The following CACNB2 variants were observed in gnomAD, a reference collection of about 807,000 sequenced individuals.
The protein encoded by CACNB2 is voltage-dependent L-type calcium channel subunit beta-2.
A neutral mutation model predicts 73.3 loss-of-function variants in CACNB2; 42 were observed. That is an observed-to-expected ratio of 0.57 (90% CI 0.45 to 0.74). The LOEUF (loss-of-function observed/expected upper bound fraction) is 0.74, where lower values mean the gene tolerates loss of function less well. Ranked by LOEUF, CACNB2 falls within the 30% of genes least tolerant of loss-of-function variation. The probability of loss-of-function intolerance (pLI) is 0.00; values close to 1 mark genes in which losing one functional copy is unlikely to be tolerated. For synonymous variants in CACNB2, 348 were observed against 310.3 expected, an observed-to-expected ratio of 1.12 and a Z score of -1.28; for missense variants, 940 against 853.0, an observed-to-expected ratio of 1.10 and a Z score of -1.27.
At chr10:18,339,470 G>C (rs147600044) in intron 2 of CACNB2, among the ~76,000 whole-genome samples, 1 of 152,082 alleles carries the variant, frequency 6.6e-6, no homozygotes, top group East Asian at 1.9e-4. Flanking sequence ...GCAGTGAGCC[G>C]AGATCGCGCC....
intron 1 of CACNB2, chr10:18,141,216 G>T: frequency 9.0e-7 from 1 of 1,109,598 alleles, no homozygotes; most frequent in Non-Finnish European, 1.3e-6. Context: ...GCTGAAGATC[G>T]TGAGTCCGGG....
intron 2 of CACNB2, chr10:18,401,159 T>C: frequency 1.3e-6 from 2 of 1,595,464 alleles, no homozygotes; most frequent in Non-Finnish European, 1.7e-6. Context: ...TTTTCTGTTG[T>C]TGCAGTGAGT....
chr10:18,495,545 CTGTGTGTGTGTG>C (rs59858946), intron 3 of CACNB2, among the ~76,000 whole-genome samples: 2,486 of 124,680 alleles, frequency 0.02, 50 homozygotes, highest in African/African-American at 0.053. Context: ...AGTATAAAAA[CTGTGTGTGTGTG>C]TGTGTGTGTG....
chr10:18,497,661 G>A (rs573293436), intron 3 of CACNB2, among the ~76,000 whole-genome samples: 59 of 152,150 alleles, frequency 3.9e-4, no homozygotes, highest in Admixed American at 1.0e-3. Context: ...CTAGGGTCAA[G>A]CAATCCTCTT....
chr10:18,253,686 C>T (rs879771108), intron 2 of CACNB2, among the ~76,000 whole-genome samples: 25 of 152,206 alleles, frequency 1.6e-4, no homozygotes, highest in South Asian at 8.3e-4. Flanking sequence ...GAATATGCCT[C>T]GCCTTTTCCC....
chr10:18,361,051 T>G (rs1020121731), intron 2 of CACNB2, among the ~76,000 whole-genome samples: 1 of 152,180 alleles, frequency 6.6e-6, no homozygotes, highest in African/African-American at 2.4e-5. Context: ...GCATGACCTC[T>G]CATTCTTCTC....
chr10:18,349,741 A>G (rs1428212302), intron 2 of CACNB2, among the ~76,000 whole-genome samples: 1 of 147,220 alleles, frequency 6.8e-6, no homozygotes, highest in Non-Finnish European at 1.5e-5. Context: ...AAAAAAAAAG[A>G]TCCTGGAGAC....
At position 18,318,030 on chromosome 10, in the gene CACNB2, G is replaced by A. The variant is rs555228716; in HGVS notation, c.214-83894G>A. Among the ~76,000 whole-genome samples, 8 of 152,238 alleles carry A rather than the reference G, an allele frequency of 5.3e-5. No individual in the cohort carries two copies. In the South Asian group the frequency reaches 1.5e-3, roughly 28 times the overall value. The stretch of plus-strand genomic sequence containing the variant: ...CTCATGGATAGGAAGATTCAATATC[G>A]TGAAAATGGCCAAACTGCCCAAAGT... On this transcript the variant is annotated intron_variant, in intron 2 of 13. Transcript: ENST00000324631.
At chr10:18,432,175 A>G (rs754263457) in intron 3 of CACNB2, among the ~76,000 whole-genome samples, 3 of 152,254 alleles carry the variant, frequency 2.0e-5, no homozygotes, top group African/African-American at 4.8e-5. Context: ...CAAAATGTCA[A>G]GCTATTCACT....
At chr10:18,391,925 CAAAAAA>C (rs34698093) in intron 2 of CACNB2, among the ~76,000 whole-genome samples, 17 of 84,604 alleles carry the variant, frequency 2.0e-4, no homozygotes, top group Admixed American at 1.9e-3. Flanking sequence ...AAGACCCTGT[CAAAAAA>C]AAAAAAAAAA....
chr10:18,448,498 AAAAG>A (rs1398246698), intron 3 of CACNB2, among the ~76,000 whole-genome samples: 20 of 146,556 alleles, frequency 1.4e-4, no homozygotes, highest in Non-Finnish European at 2.5e-4. Flanking sequence ...AAAAAAAAAA[AAAAG>A]AAAAGAAAAG....
chr10:18,245,097 C>CT lies in CACNB2; in HGVS notation c.213+94122_213+94123insT, dbSNP rs532851444. Among the ~76,000 whole-genome samples, 411 of 124,872 alleles carry CT rather than the reference C, an allele frequency of 3.3e-3. 6 individuals carry two copies. The East Asian group carries it at 0.035, about 11-fold the overall frequency. 81.9% of individuals were successfully genotyped at this position (124,872 alleles called of 152,430 possible). ...ACACAGCCTTGGATTTTTTTTTTTT[C>CT]CCCAGTAAGACTCATTTCGGACTCC... On this transcript the variant is annotated intron_variant, in intron 2 of 13. Transcript: ENST00000324631.
At chr10:18,218,921 T>A (rs540563423) in intron 2 of CACNB2, among the ~76,000 whole-genome samples, 1 of 152,140 alleles carries the variant, frequency 6.6e-6, no homozygotes, top group African/African-American at 2.4e-5. Flanking sequence ...CCCAACACTT[T>A]GGTAGGCTGA....
chr10:18,369,511 A>C (rs2042488790), intron 2 of CACNB2, among the ~76,000 whole-genome samples: 1 of 152,220 alleles, frequency 6.6e-6, no homozygotes, highest in Admixed American at 6.5e-5. Flanking sequence ...CATCAATAAG[A>C]AACATAAAAA....
At chr10:18,435,999 G>T (rs2046118421) in intron 3 of CACNB2, among the ~76,000 whole-genome samples, 1 of 152,178 alleles carries the variant, frequency 6.6e-6, no homozygotes, top group Admixed American at 6.5e-5. Flanking sequence ...AAAGTACGAT[G>T]ACTTTAAGTA....
chr10:18,319,550 C>G (rs1175768401), intron 2 of CACNB2, among the ~76,000 whole-genome samples: 1 of 151,988 alleles, frequency 6.6e-6, no homozygotes, highest in Non-Finnish European at 1.5e-5. Context: ...GTCACCATGG[C>G]ACATGCATAC....
rs769270939 is a variant in CACNB2 at position 18,140,808 on chromosome 10, A to G, written c.72A>G (p.Glu24=). The G allele has an allele frequency of 1.9e-6, 3 of 1,604,446 alleles. No homozygotes were observed. Among genetic ancestry groups the G allele is most frequent in the Non-Finnish European group, 1.7e-6 (2 of 1,176,988 alleles). The change falls in exon 1 of 14, where the codon GAA becomes GAG. Residue 24 remains glutamate, a synonymous_variant. Transcript: ENST00000324631. ...AAAVAQEIQM[E]LLENVAPAGA... ...CGGTGGCGCAGGAGATCCAGATGGA[A>G]CTGCTAGAGAACGTGGCTCCCGCGG...
chr10:18,157,080 T>G lies in CACNB2; in HGVS notation c.213+6105T>G, dbSNP rs1217760714. 3.4e-5 allele frequency among the ~76,000 whole-genome samples: 5 copies of G among 146,354 alleles called. No homozygotes were observed. The South Asian group carries it at 8.6e-4, about 25-fold the overall frequency. Reference sequence around the variant, plus strand: ...TTTGTCTCAAAAAAAAAAAAAAAAGTGAACTGTGGTTTATCTGATTGCTTT... The same window carrying G: ...TTTGTCTCAAAAAAAAAAAAAAAAGGGAACTGTGGTTTATCTGATTGCTTT... On this transcript the variant is annotated intron_variant, in intron 2 of 13. Coordinates refer to ENST00000324631, the MANE Select transcript of CACNB2 (RefSeq NM_201596.3).
intron 2 of CACNB2, among the ~76,000 whole-genome samples, chr10:18,331,411 G>A (rs116089221): frequency 0.046 from 6,870 of 150,350 alleles, 297 homozygotes; most frequent in African/African-American, 0.11. Flanking sequence ...CTATGTTTGC[G>A]TCATTGCAGT....
Sources: allele counts gnomAD v4.1 joint callset (sites outside exome capture counted in the v4.1 genomes callset), GRCh38; gene constraint gnomAD v4.1.1; transcripts MANE v1.5; gene names NCBI Gene and HGNC (gene_info 2026-07-23, HGNC 2026-07-21).